UBOX5: variants seen among roughly 807,000 people sequenced by gnomAD.
UBOX5 encodes RING finger protein 37.
Under a neutral mutation model 39.0 loss-of-function variants are expected in UBOX5, and 28 were observed. The observed-to-expected ratio is 0.72, with a 90% CI of 0.53 to 0.98. The LOEUF (loss-of-function observed/expected upper bound fraction) is 0.98. Ranked by LOEUF, UBOX5 falls within the 50% of genes least tolerant of loss-of-function variation. UBOX5 has a pLI of 0.00. For synonymous variants in UBOX5, 283 were observed against 275.5 expected, an observed-to-expected ratio of 1.03 and a Z score of -0.27; for missense variants, 585 against 674.4, an observed-to-expected ratio of 0.87 and a Z score of 1.47.
chr20:3,132,573 C>G (rs1325246669), intron 1 of UBOX5, among the ~76,000 whole-genome samples: 1 of 151,730 alleles, frequency 6.6e-6, no homozygotes. Context: ...AATCCCAGCA[C>G]TTTGGGTGGC....
intron 1 of UBOX5, among the ~76,000 whole-genome samples, chr20:3,139,986 G>A (rs1356826948): frequency 6.8e-6 from 1 of 147,750 alleles, no homozygotes; most frequent in Non-Finnish European, 1.5e-5. Context: ...GGCATCATAG[G>A]CATGAACCAC....
intron 1 of UBOX5, among the ~76,000 whole-genome samples, chr20:3,155,797 G>T (rs1163940436): frequency 2.0e-5 from 3 of 152,170 alleles, no homozygotes; most frequent in Non-Finnish European, 1.5e-5. Flanking sequence ...TAACAGAAAT[G>T]ATAACAAAAT....
In UBOX5 at chr20:3,110,115, G is replaced by T. The variant is rs1161881629; in HGVS notation, c.1617C>A (p.Val539=). 1 of 1,611,740 alleles carries T rather than the reference G, an allele frequency of 6.2e-7. No homozygotes were observed. The change falls in exon 5 of 5, where the codon GTC becomes GTA. Residue 539 remains valine, a synonymous_variant. Coordinates refer to ENST00000217173, the MANE Select transcript of UBOX5 (RefSeq NM_014948.4). ...AGTGGAGGTCAGTCACTCAGAAGTGGACCCGCAGCACGTCTTGGCTAGCAA... is the reference window on the plus strand; with the variant it reads ...AGTGGAGGTCAGTCACTCAGAAGTGTACCCGCAGCACGTCTTGGCTAGCAA... ...RPVASQDVLR[V]HF
intron 1 of UBOX5, among the ~76,000 whole-genome samples, chr20:3,129,992 G>A (rs746902858): frequency 6.6e-6 from 1 of 152,226 alleles, no homozygotes; most frequent in Non-Finnish European, 1.5e-5. Context: ...TACTCTGGGA[G>A]ACCAAGGCAG....
chr20:3,121,385 T>G lies in UBOX5; in HGVS notation c.1254A>C (p.Thr418=). The stretch of plus-strand genomic sequence containing the variant: ...TGCGGACACAGGATGCTGAATTACC[T>G]GTCGAGCAGTCCATATGTGTCAGGC... The part of the protein sequence containing the change: ...EPSLTHMDCS[T]GPLSHEQKLS... Residue 418 remains threonine (T), a splice_region_variant and synonymous_variant, in exon 3 of 5, where the codon ACA becomes ACC. Transcript: ENST00000217173. 6.2e-7 allele frequency: 1 copy of G among 1,605,230 alleles called. No individual in the cohort carries two copies. The highest frequency in any genetic ancestry group is 1.1e-5 in the South Asian group (1 of 89,764).
At chr20:3,147,497 C>A (rs755825476) in intron 1 of UBOX5, 42 of 1,614,100 alleles carry the variant, frequency 2.6e-5, no homozygotes, top group Non-Finnish European at 3.5e-5. Context: ...GTAATCTGGA[C>A]ACTCAATGCC....
chr20:3,134,714 C>G (rs1323302151), intron 1 of UBOX5, among the ~76,000 whole-genome samples: 1 of 151,162 alleles, frequency 6.6e-6, no homozygotes, highest in Non-Finnish European at 1.5e-5. Context: ...CAAAAATTAG[C>G]CAGGCATGGT....
At chr20:3,140,972 G>A (rs1372521710) in intron 1 of UBOX5, among the ~76,000 whole-genome samples, 3 of 143,216 alleles carry the variant, frequency 2.1e-5, no homozygotes, top group Admixed American at 7.3e-5. Context: ...AGGCTTGAGT[G>A]CAGTGGCACA....
At position 3,121,717 on chromosome 20, in the gene UBOX5, T is replaced by C. The variant is rs1209778461; in HGVS notation, c.922A>G (p.Thr308Ala). 6.2e-7 allele frequency: 1 copy of C among 1,613,922 alleles called. No individual in the cohort carries two copies. Among genetic ancestry groups the C allele is most frequent in the Non-Finnish European group, 8.5e-7 (1 of 1,179,980 alleles). The change falls in exon 3 of 5, where the codon ACG (threonine) becomes GCG (alanine). Residue 308 changes from threonine (T) to alanine (A), a missense_variant. Thr to Ala is a moderately conservative substitution (Grantham distance 58). Transcript: ENST00000217173. ...TWGRVPSDPF[T>A]GVAFTPHSQP... ...GAGTGCGGAGTAAAAGCTACCCCCGTGAAAGGGTCACTGGGCACTCGGCCC... is the reference window on the plus strand; with the variant it reads ...GAGTGCGGAGTAAAAGCTACCCCCGCGAAAGGGTCACTGGGCACTCGGCCC...
In UBOX5 at chr20:3,133,855, G is replaced by A. The variant is rs891352101; in HGVS notation, c.-41-10449C>T. Among the ~76,000 whole-genome samples the A allele has an allele frequency of 2.6e-5, 4 of 151,760 alleles. 1 individual carries two copies. The South Asian group carries it at 8.3e-4, about 32-fold the overall frequency. The stretch of plus-strand genomic sequence containing the variant: ...TCAACTTCCAGGGCTCTGGTGATGG[G>A]TATTCTCCTACCTCTGCCTCCCGAG... On this transcript the variant is annotated intron_variant, in intron 1 of 4. Coordinates refer to ENST00000217173, the MANE Select transcript of UBOX5 (RefSeq NM_014948.4).
At chr20:3,133,556 TAAGA>T (rs2148606182) in intron 1 of UBOX5, among the ~76,000 whole-genome samples, 1 of 150,700 alleles carries the variant, frequency 6.6e-6, no homozygotes, top group South Asian at 2.1e-4. Context: ...ATACAGTTTA[TAAGA>T]AAAAAAAAAG....
intron 3 of UBOX5, among the ~76,000 whole-genome samples, chr20:3,119,990 C>A (rs1324900310): frequency 6.6e-6 from 1 of 152,036 alleles, no homozygotes. Flanking sequence ...AGCAGCATCA[C>A]CGGCCCTAGA....
At chr20:3,123,178 C>T (rs6076478) in intron 2 of UBOX5, 134 bp downstream of exon 2, 20,155 of 883,754 alleles carry the variant, frequency 0.023, 282 homozygotes, top group Middle Eastern at 0.055. Context: ...ACCTAAATAC[C>T]ATCTGATGGA....
chr20:3,136,990 CG>C (rs1471114106), intron 1 of UBOX5, among the ~76,000 whole-genome samples: 1 of 149,014 alleles, frequency 6.7e-6, no homozygotes, highest in Non-Finnish European at 1.5e-5. Context: ...CTCTGATGCC[CG>C]GGCTGGAGTG....
rs1427915765 is a variant in UBOX5, at chr20:3,108,037, A to G, written c.*2069T>C. ...CTGGTGGGAAGCAGGCTGTTCCCTG[A>G]GACCATGACAGGGTGAAGGTGGGAA... On this transcript the variant is annotated 3_prime_UTR_variant, in exon 5 of 5. Coordinates refer to ENST00000217173, the MANE Select transcript of UBOX5 (RefSeq NM_014948.4). 6.6e-6 allele frequency: 1 copy of G among 152,240 alleles called. No individual in the cohort carries two copies. The highest frequency in any genetic ancestry group is 1.5e-5 in the Non-Finnish European group (1 of 68,036). 9.4% of individuals were successfully genotyped at this position (152,240 alleles called of 1,614,324 possible).
intron 1 of UBOX5, chr20:3,148,414 A>G (rs1286990027): frequency 5.0e-6 from 8 of 1,614,158 alleles, no homozygotes; most frequent in Non-Finnish European, 6.8e-6. Context: ...AATGGGAGTG[A>G]GGGATTCCTA....
rs2066601181 is a variant in UBOX5 at position 3,149,285 on chromosome 20, G to A, written c.-42+10481C>T. The A allele has an allele frequency of 1.8e-6, 1 of 550,622 alleles. No individual in the cohort carries two copies. Among genetic ancestry groups the A allele is most frequent in the Non-Finnish European group, 3.2e-6 (1 of 309,840 alleles). The allele number at this position is 550,622 out of a possible 1,614,324, so 34.1% of individuals were successfully genotyped here. A position where few individuals can be genotyped will look rare whatever the true frequency, so the allele number is the denominator to read the frequency against. Reference sequence around the variant, plus strand: ...ACTGAAAAAAGGGTAGATGAAGAATGAGTGGCTTCTACCTATAAAAGCATC... The same window carrying A: ...ACTGAAAAAAGGGTAGATGAAGAATAAGTGGCTTCTACCTATAAAAGCATC... On this transcript the variant is annotated intron_variant, in intron 1 of 4. Transcript: ENST00000217173. The surrounding 1 kb of genome is among the most constrained non-coding windows in gnomAD (Gnocchi z 4.1).
intron 4 of UBOX5, chr20:3,110,841 G>GAA (rs533897560): frequency 4.8e-4 from 49 of 101,098 alleles, no homozygotes; most frequent in South Asian, 1.2e-3. Flanking sequence ...CTACAAAAAA[G>GAA]AAAAAAAAAA....
At chr20:3,146,661 C>A in intron 1 of UBOX5, 1 of 1,242,736 alleles carries the variant, frequency 8.0e-7, no homozygotes, top group Non-Finnish European at 1.1e-6. Context: ...ACAATTAAGT[C>A]TCCTCAACAC....
Sources: allele counts gnomAD v4.1 joint callset (sites outside exome capture counted in the v4.1 genomes callset), GRCh38; gene constraint gnomAD v4.1.1; non-coding constraint Gnocchi (gnomAD v3.1); transcripts MANE v1.5; gene names NCBI Gene and HGNC (gene_info 2026-07-23, HGNC 2026-07-21).